The following ABTB3 variants were observed in gnomAD, a reference collection of about 807,000 sequenced individuals.
ABTB3 encodes the protein ankyrin repeat and BTB domain containing 3.
chr12:107,422,820 C>T, the ABTB3 span, among the ~76,000 whole-genome samples: 2 of 152,226 alleles, frequency 1.3e-5, no homozygotes, highest in Non-Finnish European at 2.9e-5. Flanking sequence ...GAGTTTCAGG[C>T]ATAGTTGGTT....
At chr12:107,554,075 G>A in the ABTB3 span, among the ~76,000 whole-genome samples, 4 of 152,158 alleles carry the variant, frequency 2.6e-5, no homozygotes, top group Admixed American at 6.5e-5. Context: ...TTTGATGAGC[G>A]TCTACTATGT....
At chr12:107,415,427 G>A in the ABTB3 span, among the ~76,000 whole-genome samples, 2 of 152,042 alleles carry the variant, frequency 1.3e-5, no homozygotes, top group East Asian at 3.9e-4. Flanking sequence ...ACACAAACTG[G>A]GCTGGGCGTG....
the ABTB3 span, among the ~76,000 whole-genome samples, chr12:107,353,270 T>C: frequency 6.6e-6 from 1 of 152,140 alleles, no homozygotes; most frequent in Non-Finnish European, 1.5e-5. Flanking sequence ...GGGGGAGATA[T>C]AGAACCATAT....
At chr12:107,520,134 A>C in the ABTB3 span, 23 of 783,682 alleles carry the variant, frequency 2.9e-5, no homozygotes, top group Admixed American at 1.2e-4. Flanking sequence ...TGTGGGGAGA[A>C]CAAAGGGAGT....
chr12:107,652,296 C>T, the ABTB3 span, among the ~76,000 whole-genome samples: 1 of 152,232 alleles, frequency 6.6e-6, no homozygotes, highest in Non-Finnish European at 1.5e-5. Context: ...TGCCCTCCAG[C>T]TGATTCTGAT....
At chr12:107,656,541 C>T in the ABTB3 span, among the ~76,000 whole-genome samples, 1 of 152,226 alleles carries the variant, frequency 6.6e-6, no homozygotes, top group Non-Finnish European at 1.5e-5. Context: ...GGCCTTCAGG[C>T]CTATAGTTTG....
chr12:107,329,272 C>T, the ABTB3 span, among the ~76,000 whole-genome samples: 1 of 152,154 alleles, frequency 6.6e-6, no homozygotes, highest in Non-Finnish European at 1.5e-5. Flanking sequence ...GACCAGGGTT[C>T]AAATTCTGGC....
chr12:107,597,294 G>A, the ABTB3 span, among the ~76,000 whole-genome samples: 1 of 152,102 alleles, frequency 6.6e-6, no homozygotes, highest in African/African-American at 2.4e-5. Flanking sequence ...TGTCTTAATC[G>A]GTTTTCTGTT....
At chr12:107,502,063 G>A in the ABTB3 span, among the ~76,000 whole-genome samples, 1 of 149,402 alleles carries the variant, frequency 6.7e-6, no homozygotes, top group Non-Finnish European at 1.5e-5. Flanking sequence ...ACTGGGCATT[G>A]GTACTTTTTT....
chr12:107,611,761 A>G, the ABTB3 span, among the ~76,000 whole-genome samples: 1 of 152,096 alleles, frequency 6.6e-6, no homozygotes, highest in Non-Finnish European at 1.5e-5. Flanking sequence ...CCCTCCAGCT[A>G]TATGTGTGTT....
At chr12:107,434,962 G>A in the ABTB3 span, among the ~76,000 whole-genome samples, 1 of 152,192 alleles carries the variant, frequency 6.6e-6, no homozygotes, top group Non-Finnish European at 1.5e-5. Context: ...GGTAGCGTAG[G>A]AGGTGGCCAG....
chr12:107,382,460 G>T, the ABTB3 span, among the ~76,000 whole-genome samples: 1 of 152,136 alleles, frequency 6.6e-6, no homozygotes, highest in Non-Finnish European at 1.5e-5. Context: ...CTCTCTGTTT[G>T]TCTATTATTG....
the ABTB3 span, chr12:107,649,654 C>T: frequency 3.0e-5 from 6 of 198,554 alleles, no homozygotes; most frequent in Admixed American, 1.1e-4. Flanking sequence ...TCCTAGATGA[C>T]GTCTTCTCCC....
the ABTB3 span, among the ~76,000 whole-genome samples, chr12:107,358,599 G>GT: frequency 1.5e-4 from 23 of 150,182 alleles, no homozygotes; most frequent in Middle Eastern, 6.8e-3. Context: ...CCATCTATTT[G>GT]TTTTTTTTTT....
the ABTB3 span, chr12:107,617,551 G>C: frequency 7.1e-7 from 1 of 1,409,094 alleles, no homozygotes; most frequent in South Asian, 1.4e-5. Flanking sequence ...GAGGCAGTGT[G>C]AAGTGGTCCA....
chr12:107,423,471 G>A, the ABTB3 span, among the ~76,000 whole-genome samples: 4,271 of 152,250 alleles, frequency 0.028, 151 homozygotes, highest in African/African-American at 0.088. Flanking sequence ...AAGTCGTACA[G>A]TATTTCTCCC....
chr12:107,580,706 G>A, the ABTB3 span: 3 of 924,282 alleles, frequency 3.2e-6, no homozygotes, highest in East Asian at 3.0e-5. Flanking sequence ...GAGTGCTAGC[G>A]GACACCTTAG....
At chr12:107,448,529 T>C in the ABTB3 span, among the ~76,000 whole-genome samples, 1 of 152,124 alleles carries the variant, frequency 6.6e-6, no homozygotes, top group Non-Finnish European at 1.5e-5. Context: ...AAACTTAAAG[T>C]AAAACTCTAA....
At chr12:107,516,880 A>T in the ABTB3 span, among the ~76,000 whole-genome samples, 1 of 152,128 alleles carries the variant, frequency 6.6e-6, no homozygotes, top group Non-Finnish European at 1.5e-5. Context: ...TTTCCAGATT[A>T]TTTTGTCCAT....
Sources: gnomAD v4.1 joint callset for allele counts (sites outside exome capture counted in the v4.1 genomes callset) on GRCh38, gnomAD v4.1.1 for gene constraint, MANE v1.5 for transcripts, NCBI Gene and HGNC (gene_info 2026-07-23, HGNC 2026-07-21) for gene names.